The following GMDS variants were observed in gnomAD, a reference collection of about 807,000 sequenced individuals.
GMDS encodes GDP-mannose 4,6 dehydratase.
GMDS carries 20 observed loss-of-function variants against 49.9 expected under a neutral mutation model. The observed-to-expected ratio is 0.40, with a 90% CI of 0.28 to 0.58. The LOEUF (loss-of-function observed/expected upper bound fraction) is 0.58, where lower values mean the gene tolerates loss of function less well. GMDS is among the 20% of genes least tolerant of loss of function. The pLI is 0.42. For synonymous variants in GMDS, 177 were observed against 178.6 expected, an observed-to-expected ratio of 0.99 and a Z score of 0.07; for missense variants, 362 against 481.4, an observed-to-expected ratio of 0.75 and a Z score of 2.32.
chr6:1,811,594 G>C (rs1770432911), intron 7 of GMDS, among the ~76,000 whole-genome samples: 1 of 121,538 alleles, frequency 8.2e-6, no homozygotes, highest in African/African-American at 3.1e-5. Context: ...CCTTCACAAT[G>C]CTTTCTGGAG....
At chr6:1,772,447 G>T (rs1768617783) in intron 7 of GMDS, among the ~76,000 whole-genome samples, 1 of 152,084 alleles carries the variant, frequency 6.6e-6, no homozygotes, top group Non-Finnish European at 1.5e-5. Flanking sequence ...ATCCAAAAGG[G>T]GCCATTAAAG....
chr6:1,624,107 G>T lies in GMDS; in HGVS notation c.*62C>A. The T allele has an allele frequency of 6.9e-7, 1 of 1,442,792 alleles. No individual in the cohort carries two copies. The highest frequency in any genetic ancestry group is 9.6e-7 in the Non-Finnish European group (1 of 1,037,894). 89.4% of individuals were successfully genotyped at this position (1,442,792 alleles called of 1,614,324 possible). The stretch of plus-strand genomic sequence containing the variant: ...ACGCCGCTCCCCATCCCCGCAGCGC[G>T]TCTGCACCGGAGACTCTGCGGGGAT... On this transcript the variant is annotated 3_prime_UTR_variant, in exon 11 of 11. Coordinates refer to ENST00000380815, the MANE Select transcript of GMDS (RefSeq NM_001500.4).
Position 1,874,156 on chromosome 6 carries a change from T to C in GMDS, c.771+55947A>G, listed in dbSNP as rs544131064. ...TGCTAGGAGTCACTCTGTTCTTGACTTCACTTTTAGTTTTTCACTGTGGCT... is the reference window on the plus strand; with the variant it reads ...TGCTAGGAGTCACTCTGTTCTTGACCTCACTTTTAGTTTTTCACTGTGGCT... On this transcript the variant is annotated intron_variant, in intron 7 of 10. Transcript: ENST00000380815. Among the ~76,000 whole-genome samples, 9 of 152,358 alleles carry C rather than the reference T, an allele frequency of 5.9e-5. No homozygotes were observed. The South Asian group carries it at 1.9e-3, about 32-fold the overall frequency.
chr6:2,072,069 A>G (rs1375944848), intron 4 of GMDS, among the ~76,000 whole-genome samples: 1 of 152,166 alleles, frequency 6.6e-6, no homozygotes, highest in East Asian at 1.9e-4. Context: ...GCGTGTGTGC[A>G]TGTGTGTGTG....
At chr6:1,824,464 CT>C (rs1006754362) in intron 7 of GMDS, among the ~76,000 whole-genome samples, 3 of 152,158 alleles carry the variant, frequency 2.0e-5, no homozygotes, top group Non-Finnish European at 4.4e-5. Context: ...TACGTCCACA[CT>C]TTTTTTGTCT....
At chr6:1,868,674 C>G (rs1758565025) in intron 7 of GMDS, among the ~76,000 whole-genome samples, 1 of 152,216 alleles carries the variant, frequency 6.6e-6, no homozygotes, top group Non-Finnish European at 1.5e-5. Flanking sequence ...TCCTAAATCT[C>G]TGAACTCAAG....
chr6:2,061,718 CAA>C (rs68037512), intron 4 of GMDS, among the ~76,000 whole-genome samples: 5 of 57,102 alleles, frequency 8.8e-5, no homozygotes, highest in Non-Finnish European at 1.2e-4. Context: ...GACTCTGTCT[CAA>C]AAAAAAAAAA....
chr6:1,804,280 G>A (rs1295772476), intron 7 of GMDS, among the ~76,000 whole-genome samples: 3 of 152,340 alleles, frequency 2.0e-5, no homozygotes, highest in East Asian at 1.9e-4. Context: ...GCTACGTGGC[G>A]AGTTCCCCTT....
chr6:1,699,972 G>C (rs1765484782), intron 9 of GMDS, among the ~76,000 whole-genome samples: 8 of 152,160 alleles, frequency 5.3e-5, no homozygotes, highest in Admixed American at 5.2e-4. Context: ...ATGTTCTCCA[G>C]GCCCAGGTGA....
intron 7 of GMDS, among the ~76,000 whole-genome samples, chr6:1,875,983 A>G (rs559822220): frequency 1.3e-5 from 2 of 150,056 alleles, no homozygotes; most frequent in African/African-American, 2.5e-5. Context: ...GTGCCATTGC[A>G]CTCCAGCCTG....
At chr6:1,896,474 G>T (rs1344334395) in intron 7 of GMDS, among the ~76,000 whole-genome samples, 2 of 152,178 alleles carry the variant, frequency 1.3e-5, no homozygotes, top group African/African-American at 4.8e-5. Flanking sequence ...AATGGGCAAA[G>T]GAGAAGGTGA....
chr6:1,718,284 G>A (rs11961441), intron 9 of GMDS, among the ~76,000 whole-genome samples: 1,934 of 152,214 alleles, frequency 0.013, 35 homozygotes, highest in African/African-American at 0.044. Flanking sequence ...TCATTTTGCA[G>A]CACAGATATC....
intron 4 of GMDS, among the ~76,000 whole-genome samples, chr6:1,971,540 TAG>T (rs978365421): frequency 6.6e-6 from 1 of 152,210 alleles, no homozygotes; most frequent in Non-Finnish European, 1.5e-5. Context: ...ATAGTTCCAC[TAG>T]AGTTTTGAAA....
At position 2,114,428 on chromosome 6, in the gene GMDS, G is replaced by A. The variant is rs989850983; in HGVS notation, c.345+1343C>T. Among the ~76,000 whole-genome samples the A allele has an allele frequency of 5.7e-4, 87 of 152,300 alleles. 2 individuals carry two copies. Among genetic ancestry groups the A allele is most frequent in the African/African-American group, 8.2e-4 (34 of 41,564 alleles). Reference sequence around the variant, plus strand: ...ATTCCTGGAATGATAAAAAGTCACCGCTTCTCTATAGGAAAGAAGGGATGT... The same window carrying A: ...ATTCCTGGAATGATAAAAAGTCACCACTTCTCTATAGGAAAGAAGGGATGT... On this transcript the variant is annotated intron_variant, in intron 4 of 10. Transcript: ENST00000380815.
chr6:2,186,027 A>G (rs1200532465), intron 1 of GMDS, among the ~76,000 whole-genome samples: 1 of 152,232 alleles, frequency 6.6e-6, no homozygotes, highest in Non-Finnish European at 1.5e-5. Flanking sequence ...ATTAAATACA[A>G]TGTTCTTACC....
At chr6:1,728,285 TA>T (rs1364740550) in intron 8 of GMDS, among the ~76,000 whole-genome samples, 7 of 152,248 alleles carry the variant, frequency 4.6e-5, no homozygotes, top group Non-Finnish European at 8.8e-5. Flanking sequence ...TAGAACCTTT[TA>T]AAAAAATTTT....
chr6:2,130,018 A>C (rs1379148043), intron 1 of GMDS, among the ~76,000 whole-genome samples: 1 of 152,218 alleles, frequency 6.6e-6, no homozygotes, highest in Non-Finnish European at 1.5e-5. Context: ...AAGTAGCAGA[A>C]CCTGCAACCA....
At chr6:1,777,146 G>A (rs573755564) in intron 7 of GMDS, among the ~76,000 whole-genome samples, 13 of 152,384 alleles carry the variant, frequency 8.5e-5, no homozygotes, top group Admixed American at 2.0e-4. Context: ...ATATGGGCAT[G>A]GGCCATACCC....
intron 6 of GMDS, among the ~76,000 whole-genome samples, chr6:1,936,278 G>GGCCA (rs1762525969): frequency 6.6e-6 from 1 of 152,256 alleles, no homozygotes; most frequent in East Asian, 1.9e-4. Context: ...GTGGCAAGAG[G>GGCCA]GCCAGCAGGC....
Sources: gnomAD v4.1 joint callset for allele counts (sites outside exome capture counted in the v4.1 genomes callset) on GRCh38, gnomAD v4.1.1 for gene constraint, MANE v1.5 for transcripts, NCBI Gene and HGNC (gene_info 2026-07-23, HGNC 2026-07-21) for gene names.